MGAT4C: variants seen among roughly 807,000 people sequenced by gnomAD.
MGAT4C encodes MGAT4 family member C, also known as alpha-1,3-mannosyl-glycoprotein 4-beta-N-acetylglucosaminyltransferase C.
MGAT4C carries 19 observed loss-of-function variants against 40.1 expected under a neutral mutation model. The ratio of observed to expected loss-of-function variants is 0.47; its 90% CI spans 0.33 to 0.70. The LOEUF (loss-of-function observed/expected upper bound fraction) is 0.70. Ranked by LOEUF, MGAT4C falls within the 30% of genes least tolerant of loss-of-function variation. The probability of loss-of-function intolerance (pLI) is 0.02; values close to 1 mark genes in which losing one functional copy is unlikely to be tolerated. For synonymous variants in MGAT4C, 181 were observed against 187.1 expected, an observed-to-expected ratio of 0.97 and a Z score of 0.27; for missense variants, 491 against 563.2, an observed-to-expected ratio of 0.87 and a Z score of 1.30.
intron 1 of MGAT4C, among the ~76,000 whole-genome samples, chr12:86,730,141 T>C (rs1950884590): frequency 6.6e-6 from 1 of 151,698 alleles, no homozygotes; most frequent in Non-Finnish European, 1.5e-5. Context: ...AAGAACCAAA[T>C]AAATCTGGTC....
chr12:86,806,319 C>A (rs1952352458), intron 1 of MGAT4C, among the ~76,000 whole-genome samples: 1 of 151,796 alleles, frequency 6.6e-6, no homozygotes, highest in East Asian at 1.9e-4. Flanking sequence ...TACACTTTAT[C>A]CAGTTTCTCA....
chr12:86,585,845 T>C (rs1961005164), intron 2 of MGAT4C, among the ~76,000 whole-genome samples: 1 of 151,266 alleles, frequency 6.6e-6, no homozygotes, highest in Non-Finnish European at 1.5e-5. Context: ...ACCTTTTAAC[T>C]GAAGGTGATG....
chr12:86,809,090 T>C (rs1327153199), intron 1 of MGAT4C, among the ~76,000 whole-genome samples: 1 of 152,060 alleles, frequency 6.6e-6, no homozygotes, highest in African/African-American at 2.4e-5. Context: ...ATGAAGGACC[T>C]CTTCAAAGAG....
chr12:86,828,830 G>A (rs1952859914), intron 1 of MGAT4C, among the ~76,000 whole-genome samples: 1 of 151,534 alleles, frequency 6.6e-6, no homozygotes, highest in South Asian at 2.1e-4. Flanking sequence ...AAAAAAAGGA[G>A]ACTAGTGGTT....
At chr12:86,738,696 A>G (rs2136127490) in intron 1 of MGAT4C, among the ~76,000 whole-genome samples, 1 of 151,416 alleles carries the variant, frequency 6.6e-6, no homozygotes, top group African/African-American at 2.4e-5. Context: ...TTCAGGACTG[A>G]TTATTAATAG....
At chr12:86,284,506 A>G (rs551295501) in intron 4 of MGAT4C, among the ~76,000 whole-genome samples, 224 of 151,906 alleles carry the variant, frequency 1.5e-3, no homozygotes, top group Non-Finnish European at 2.8e-3. Context: ...TACCCAAAAA[A>G]CAAATCATAT....
intron 1 of MGAT4C, among the ~76,000 whole-genome samples, chr12:86,211,470 C>CCAG (rs985413832): frequency 6.8e-6 from 1 of 147,768 alleles, no homozygotes; most frequent in African/African-American, 2.5e-5. Flanking sequence ...GCCTGTAGTC[C>CCAG]CAGCTACTCG....
At chr12:86,564,750 A>G (rs956017191) in intron 2 of MGAT4C, among the ~76,000 whole-genome samples, 6 of 152,172 alleles carry the variant, frequency 3.9e-5, no homozygotes, top group African/African-American at 1.4e-4. Context: ...TGGAGGCAAC[A>G]CATGCCTCAT....
rs1404750431 is a variant in MGAT4C, at chr12:85,979,461, TG to T, written c.1264del (p.Gln422LysfsTer9). On this transcript the variant is annotated frameshift_variant, in exon 5 of 5. Coordinates refer to ENST00000611864, the MANE Select transcript of MGAT4C (RefSeq NM_001351288.2). LOFTEE classifies it high-confidence loss of function. Reference protein sequence around the residue: ...DVGENVMPSKQRRQCSTYLRL... With the variant: ...DVGENVMPSKXRRQCSTYLRL... ...TAAGTAAGTAGAACATTGTCTCCTT[TG>T]TTTGCTAGGCATAACGTTTTCCCCA... The T allele has an allele frequency of 2.5e-6, 4 of 1,613,418 alleles. No individual in the cohort carries two copies. The highest frequency in any genetic ancestry group is 3.4e-6 in the Non-Finnish European group (4 of 1,179,628).
At chr12:86,300,095 T>G (rs1486694554) in intron 4 of MGAT4C, among the ~76,000 whole-genome samples, 1 of 152,220 alleles carries the variant, frequency 6.6e-6, no homozygotes, top group Non-Finnish European at 1.5e-5. Flanking sequence ...CAGCTTCATC[T>G]CTACTGATGC....
At chr12:85,982,742 T>C (rs1422224369) in intron 4 of MGAT4C, among the ~76,000 whole-genome samples, 1 of 152,194 alleles carries the variant, frequency 6.6e-6, no homozygotes, top group Non-Finnish European at 1.5e-5. Context: ...CCTCAGAATG[T>C]AATTTTATTA....
intron 3 of MGAT4C, among the ~76,000 whole-genome samples, chr12:86,393,871 C>T (rs149887313): frequency 6.0e-4 from 91 of 152,304 alleles, no homozygotes; most frequent in African/African-American, 2.1e-3. Flanking sequence ...GTTGGAAACA[C>T]TGGCTTCACT....
chr12:86,302,859 G>A (rs1953849386), intron 4 of MGAT4C, among the ~76,000 whole-genome samples: 1 of 150,688 alleles, frequency 6.6e-6, no homozygotes, highest in Non-Finnish European at 1.5e-5. Flanking sequence ...ACATACTTCT[G>A]TTAGATGAAT....
At chr12:86,751,906 T>C (rs916209305) in intron 1 of MGAT4C, among the ~76,000 whole-genome samples, 1 of 152,004 alleles carries the variant, frequency 6.6e-6, no homozygotes, top group African/African-American at 2.4e-5. Context: ...TCAAAAGTTT[T>C]GTTAGGACCA....
At chr12:86,069,223 A>T in intron 1 of MGAT4C, among the ~76,000 whole-genome samples, 1 of 152,130 alleles carries the variant, frequency 6.6e-6, no homozygotes, top group African/African-American at 2.4e-5. Context: ...ATTGTTAAGT[A>T]TTATTTTAAT....
At chr12:86,596,236 C>T (rs1016289870) in intron 2 of MGAT4C, among the ~76,000 whole-genome samples, 5 of 151,440 alleles carry the variant, frequency 3.3e-5, no homozygotes, top group Non-Finnish European at 7.4e-5. Context: ...AAACAAGTAC[C>T]AACTCTTGCT....
intron 2 of MGAT4C, among the ~76,000 whole-genome samples, chr12:86,014,970 C>A (rs891327047): frequency 6.8e-6 from 1 of 146,700 alleles, no homozygotes; most frequent in East Asian, 2.0e-4. Flanking sequence ...TTTTCATTTT[C>A]TTTCTTTCTT....
At chr12:86,498,788 T>C (rs563893713) in intron 2 of MGAT4C, among the ~76,000 whole-genome samples, 2 of 151,984 alleles carry the variant, frequency 1.3e-5, no homozygotes, top group African/African-American at 4.8e-5. Flanking sequence ...CAGGAAAAAG[T>C]GATCTCTCAT....
chr12:86,404,751 T>C (rs991749670), intron 3 of MGAT4C, among the ~76,000 whole-genome samples: 2 of 152,164 alleles, frequency 1.3e-5, no homozygotes, highest in South Asian at 4.1e-4. Flanking sequence ...AAAACAATTA[T>C]TGTTAGGAAG....
Sources: gnomAD v4.1 joint callset for allele counts (sites outside exome capture counted in the v4.1 genomes callset) on GRCh38, gnomAD v4.1.1 for gene constraint, MANE v1.5 for transcripts, NCBI Gene and HGNC (gene_info 2026-07-23, HGNC 2026-07-21) for gene names.